The following GRID2 variants were observed in gnomAD, a reference collection of about 807,000 sequenced individuals.
GRID2 encodes glutamate receptor ionotropic, delta-2.
A neutral mutation model predicts 114.8 loss-of-function variants in GRID2; 33 were observed. The observed-to-expected ratio is 0.29, with a 90% CI of 0.22 to 0.38. The LOEUF is 0.38. Ranked by LOEUF, GRID2 falls within the 10% of genes least tolerant of loss-of-function variation. The pLI is 1.00. For missense variants in GRID2, 1,184 were observed against 1,257.7 expected, an observed-to-expected ratio of 0.94 and a Z score of 0.89; for synonymous variants, 505 against 449.9, an observed-to-expected ratio of 1.12 and a Z score of -1.55.
intron 2 of GRID2, among the ~76,000 whole-genome samples, chr4:92,634,285 T>G (rs2149248349): frequency 6.6e-6 from 1 of 152,290 alleles, no homozygotes; most frequent in East Asian, 1.9e-4. Context: ...TTTAAAAATT[T>G]GAACTTTTAA....
intron 1 of GRID2, among the ~76,000 whole-genome samples, chr4:92,342,638 A>G (rs529816905): frequency 6.6e-6 from 1 of 152,334 alleles, no homozygotes; most frequent in South Asian, 2.1e-4. Context: ...CTAAGACTCA[A>G]TTCTGAGTGT....
At chr4:93,792,519 A>G (rs752974823) in intron 1 of GRID2, among the ~76,000 whole-genome samples, 1 of 152,132 alleles carries the variant, frequency 6.6e-6, no homozygotes, top group Non-Finnish European at 1.5e-5. Context: ...ACATTAGGCC[A>G]ATTTTGCATT....
chr4:92,914,390 A>C (rs562360003), intron 2 of GRID2, among the ~76,000 whole-genome samples: 1 of 152,176 alleles, frequency 6.6e-6, no homozygotes, highest in African/African-American at 2.4e-5. Flanking sequence ...TTCTTCAAAT[A>C]TTATTTCTCT....
chr4:92,818,006 G>A (rs1454520503), intron 2 of GRID2, among the ~76,000 whole-genome samples: 1 of 152,084 alleles, frequency 6.6e-6, no homozygotes, highest in Non-Finnish European at 1.5e-5. Context: ...CTGCAAAACT[G>A]ACCTCAATCA....
chr4:93,417,416 G>C (rs1387013674), intron 9 of GRID2, among the ~76,000 whole-genome samples: 2 of 151,810 alleles, frequency 1.3e-5, no homozygotes, highest in African/African-American at 4.8e-5. Context: ...ATCCTTATTT[G>C]ATATCGCAAT....
intron 2 of GRID2, among the ~76,000 whole-genome samples, chr4:92,891,310 T>C (rs1746766396): frequency 6.6e-6 from 1 of 152,130 alleles, no homozygotes; most frequent in African/African-American, 2.4e-5. Flanking sequence ...TAATTTTCAG[T>C]TTTAAAAATG....
At chr4:93,477,951 C>G (rs1213385152) in intron 11 of GRID2, among the ~76,000 whole-genome samples, 1 of 152,180 alleles carries the variant, frequency 6.6e-6, no homozygotes, top group Non-Finnish European at 1.5e-5. Context: ...CCCATATGTT[C>G]TTAACATTGC....
At chr4:92,570,199 A>C (rs1340937120) in intron 1 of GRID2, among the ~76,000 whole-genome samples, 1 of 152,068 alleles carries the variant, frequency 6.6e-6, no homozygotes, top group Admixed American at 6.6e-5. Flanking sequence ...TCAGAGCACC[A>C]TTTATTGAAC....
Position 92,590,244 on chromosome 4 carries a change from A to G in GRID2, c.202A>G (p.Thr68Ala), listed in dbSNP as rs769178842. Residue 68 changes from threonine (T) to alanine (A), a missense_variant, in exon 2 of 16, where the codon ACG (threonine) becomes GCG (alanine). Physicochemically the swap from Thr to Ala is moderately conservative, Grantham distance 58. Transcript: ENST00000282020. ...LQTEKITFSVTFVDGNNPFQA... is the reference protein window; with the variant it reads ...LQTEKITFSVAFVDGNNPFQA... ...GACTGAGAAAATCACATTTTCAGTG[A>G]CGTTTGTTGATGGCAACAACCCTTT... is the stretch of plus-strand genomic sequence containing the variant. The G allele has an allele frequency of 3.1e-6, 5 of 1,613,338 alleles. No homozygotes were observed. The South Asian group carries it at 4.4e-5, about 14-fold the overall frequency.
intron 13 of GRID2, among the ~76,000 whole-genome samples, chr4:93,577,550 T>G (rs1347636824): frequency 6.6e-6 from 1 of 152,232 alleles, no homozygotes; most frequent in African/African-American, 2.4e-5. Context: ...AGTAAATGTT[T>G]GCCAATTTTT....
chr4:93,582,682 G>T (rs1340261358), intron 13 of GRID2, among the ~76,000 whole-genome samples: 2 of 151,830 alleles, frequency 1.3e-5, no homozygotes, highest in East Asian at 3.9e-4. Flanking sequence ...GTTTAATAAT[G>T]GAGACCTTAC....
rs550187094 is a variant in GRID2 at position 92,594,389 on chromosome 4, A to G, written c.244+4103A>G. 3.9e-5 allele frequency among the ~76,000 whole-genome samples: 6 copies of G among 152,054 alleles called. No homozygotes were observed. In the South Asian group the frequency reaches 6.2e-4, roughly 16 times the overall value. On this transcript the variant is annotated intron_variant, in intron 2 of 15. Transcript: ENST00000282020. ...TTTGGCCTTGGTTTTCCTCATTTGT[A>G]AAAAATGAAGGAATCTGAATATAAT...
At chr4:93,632,624 G>C (rs1287694023) in intron 14 of GRID2, among the ~76,000 whole-genome samples, 1 of 152,170 alleles carries the variant, frequency 6.6e-6, no homozygotes, top group African/African-American at 2.4e-5. Flanking sequence ...CTGTAGACTT[G>C]TAGTATAGTT....
At chr4:93,480,097 G>A (rs1278105753) in intron 11 of GRID2, among the ~76,000 whole-genome samples, 2 of 151,994 alleles carry the variant, frequency 1.3e-5, no homozygotes, top group East Asian at 3.9e-4. Context: ...GATGTTTATA[G>A]CAATGTAATA....
intron 14 of GRID2, among the ~76,000 whole-genome samples, chr4:93,636,945 G>C (rs1721461119): frequency 6.6e-6 from 1 of 151,944 alleles, no homozygotes; most frequent in Non-Finnish European, 1.5e-5. Flanking sequence ...AGTTCCTTTT[G>C]TTTAAAAAAG....
chr4:93,675,452 A>G (rs143961738), intron 14 of GRID2, among the ~76,000 whole-genome samples: 1 of 152,332 alleles, frequency 6.6e-6, no homozygotes, highest in East Asian at 1.9e-4. Flanking sequence ...AATTATATTG[A>G]TAGCTAAGAT....
intron 1 of GRID2, among the ~76,000 whole-genome samples, chr4:92,415,971 G>A (rs1731593027): frequency 6.6e-6 from 1 of 151,428 alleles, no homozygotes; most frequent in African/African-American, 2.4e-5. Flanking sequence ...GTTCTTTAAG[G>A]AATCTCCATA....
At chr4:92,464,151 T>A (rs1457724142) in intron 1 of GRID2, among the ~76,000 whole-genome samples, 2 of 152,132 alleles carry the variant, frequency 1.3e-5, no homozygotes, top group African/African-American at 2.4e-5. Flanking sequence ...TATGTTATAA[T>A]CTGTGATGAG....
chr4:92,941,149 G>T (rs1038497328), intron 2 of GRID2, among the ~76,000 whole-genome samples: 3 of 152,184 alleles, frequency 2.0e-5, no homozygotes, highest in Non-Finnish European at 4.4e-5. Context: ...AATGGTACCA[G>T]CTCCTCCTTG....
Sources: gnomAD v4.1 joint callset for allele counts (sites outside exome capture counted in the v4.1 genomes callset) on GRCh38, gnomAD v4.1.1 for gene constraint, MANE v1.5 for transcripts, NCBI Gene and HGNC (gene_info 2026-07-23, HGNC 2026-07-21) for gene names.